The following MGA variants were observed in gnomAD, a reference collection of about 807,000 sequenced individuals.
MGA encodes MAX gene-associated protein.
In MGA, 40 loss-of-function variants were observed where a neutral mutation model predicts 261.1. The observed-to-expected ratio is 0.15, with a 90% CI of 0.12 to 0.20. The LOEUF is 0.20. MGA is among the 10% of genes least tolerant of loss of function. The pLI is 1.00. For synonymous variants in MGA, 1,302 were observed against 1,290.6 expected, an observed-to-expected ratio of 1.01 and a Z score of -0.19; for missense variants, 3,397 against 3,630.5, an observed-to-expected ratio of 0.94 and a Z score of 1.65.
At chr15:41,689,350 T>TCCTTCCTC (rs2059139833) in intron 2 of MGA, among the ~76,000 whole-genome samples, 2 of 150,690 alleles carry the variant, frequency 1.3e-5, no homozygotes, top group African/African-American at 4.9e-5. Context: ...TTCTCCCTCC[T>TCCTTCCTC]CCTTCCTCCC....
chr15:41,695,073 T>C (rs1181745829), intron 2 of MGA, among the ~76,000 whole-genome samples: 4 of 152,240 alleles, frequency 2.6e-5, no homozygotes, highest in Non-Finnish European at 4.4e-5. Flanking sequence ...CCTGCTTTCC[T>C]GTGCTGCTAA....
intron 11 of MGA, among the ~76,000 whole-genome samples, chr15:41,730,546 T>G (rs528816973): frequency 5.5e-4 from 84 of 152,174 alleles, no homozygotes; most frequent in Non-Finnish European, 7.8e-4. Context: ...TCCTGTATAA[T>G]TTACACAGTC....
intron 1 of MGA, among the ~76,000 whole-genome samples, chr15:41,665,388 T>C (rs1225375849): frequency 6.6e-6 from 1 of 151,924 alleles, no homozygotes; most frequent in East Asian, 1.9e-4. Flanking sequence ...CAGATTTCGT[T>C]TTGGTTTTTT....
intron 2 of MGA, among the ~76,000 whole-genome samples, chr15:41,678,904 GT>G (rs1207868382): frequency 2.0e-5 from 3 of 152,252 alleles, no homozygotes; most frequent in Non-Finnish European, 2.9e-5. Context: ...ATATGTTTAT[GT>G]TTATCTTTAT....
chr15:41,713,885 A>G (rs1204372208), intron 9 of MGA, among the ~76,000 whole-genome samples: 1 of 152,196 alleles, frequency 6.6e-6, no homozygotes, highest in Non-Finnish European at 1.5e-5. Flanking sequence ...TAAAAGGAGA[A>G]GTTTGCAAAA....
chr15:41,737,136 T>A (rs2061824930), intron 13 of MGA, among the ~76,000 whole-genome samples: 1 of 152,148 alleles, frequency 6.6e-6, no homozygotes, highest in Non-Finnish European at 1.5e-5. Context: ...AATATATGTT[T>A]AGAAACTTGG....
intron 2 of MGA, among the ~76,000 whole-genome samples, chr15:41,672,145 G>GGAGTTTGTTA (rs1209220314): frequency 6.6e-6 from 1 of 152,138 alleles, no homozygotes; most frequent in Non-Finnish European, 1.5e-5. Context: ...TTAGGTGAAA[G>GGAGTTTGTTA]GGTCAGACGT....
intron 17 of MGA, among the ~76,000 whole-genome samples, chr15:41,752,523 G>A (rs1234261430): frequency 6.7e-6 from 1 of 148,980 alleles, no homozygotes; most frequent in African/African-American, 2.5e-5. Flanking sequence ...TACTATTAGT[G>A]GAACTTACAT....
intron 22 of MGA, among the ~76,000 whole-genome samples, chr15:41,763,514 C>T (rs950718623): frequency 5.3e-5 from 8 of 151,948 alleles, no homozygotes; most frequent in Non-Finnish European, 1.0e-4. Flanking sequence ...GAGGCTGAGG[C>T]GGGCAGATCA....
Position 41,698,983 on chromosome 15 carries a change from G to C in MGA, c.2092+42G>C, listed in dbSNP as rs527642281. On this transcript the variant is annotated intron_variant, in intron 4 of 23. Transcript: ENST00000219905. ...TAAAAAGAGTTGTATTTGTGGTTTG[G>C]GCTCCAGCAATGAAACATGCAACAT... 1.7e-5 allele frequency: 27 copies of C among 1,544,254 alleles called. No individual in the cohort carries two copies. The African/African-American group carries it at 2.6e-4, about 15-fold the overall frequency.
At position 41,697,022 on chromosome 15, in the gene MGA, A is replaced by G. The variant is rs777474470; in HGVS notation, c.2012A>G (p.Lys671Arg). The G allele has an allele frequency of 6.5e-7, 1 of 1,530,482 alleles. No homozygotes were observed. Among genetic ancestry groups the G allele is most frequent in the South Asian group, 1.2e-5 (1 of 80,450 alleles). The allele number at this position is 1,530,482 out of a possible 1,614,324, so 94.8% of individuals were successfully genotyped here. The change falls in exon 3 of 24, where the codon AAG becomes AGG. Residue 671 changes from lysine (K) to arginine (R), a missense_variant and splice_region_variant. This residue lies in a region of MGA where 563 missense variants were observed against 563.6 expected (regional missense o/e 1.00). Transcript: ENST00000219905. ...GTTCTCTTTGTTTCCTTTGAATCAA[A>G]GGTAAGATTGTAATTTTCAGGATTC...
intron 2 of MGA, among the ~76,000 whole-genome samples, chr15:41,672,392 C>T (rs929389064): frequency 2.0e-5 from 3 of 152,132 alleles, no homozygotes; most frequent in African/African-American, 4.8e-5. Context: ...TGAGCTGAAG[C>T]GATCTGTCAG....
intron 15 of MGA, among the ~76,000 whole-genome samples, chr15:41,746,865 TTTTA>T (rs756870281): frequency 6.6e-6 from 1 of 152,052 alleles, no homozygotes; most frequent in Non-Finnish European, 1.5e-5. Context: ...GCCTACCAAT[TTTTA>T]TTTATTAATG....
chr15:41,647,237 C>T (rs911656153), intron 1 of MGA, among the ~76,000 whole-genome samples: 4 of 152,200 alleles, frequency 2.6e-5, no homozygotes, highest in Non-Finnish European at 5.9e-5. Context: ...GGACATCTGC[C>T]TGCAAGCTCA....
At chr15:41,655,282 A>G (rs1243374029) in intron 1 of MGA, among the ~76,000 whole-genome samples, 4 of 150,944 alleles carry the variant, frequency 2.6e-5, no homozygotes, top group Non-Finnish European at 4.4e-5. Flanking sequence ...GAGTTCAAGC[A>G]ATTCTTGTGC....
At position 41,769,725 on chromosome 15, in the gene MGA, A is replaced by G. The variant is rs1004187422; in HGVS notation, c.*2445A>G. 14 of 152,630 alleles carry G rather than the reference A, an allele frequency of 9.2e-5. No individual in the cohort carries two copies. The highest frequency in any genetic ancestry group is 5.9e-5 in the Non-Finnish European group (4 of 68,022). The allele number at this position is 152,630 out of a possible 1,614,324, so 9.5% of individuals were successfully genotyped here. On this transcript the variant is annotated 3_prime_UTR_variant, in exon 24 of 24. Coordinates refer to ENST00000219905, the MANE Select transcript of MGA (RefSeq NM_001164273.2). ...TAAGAAGCATGATCTCAATAGACCA[A>G]TAATTCACCTTTTTATACATCTGTA...
At chr15:41,746,544 CAAAA>C (rs869061461) in intron 15 of MGA, among the ~76,000 whole-genome samples, 1 of 61,852 alleles carries the variant, frequency 1.6e-5, no homozygotes, top group Non-Finnish European at 3.2e-5. Context: ...GACTTCGTCT[CAAAA>C]AAAAAAAAAA....
In MGA at chr15:41,696,294, G is replaced by C; in HGVS notation, c.1284G>C (p.Lys428Asn). 6.2e-7 allele frequency: 1 copy of C among 1,613,904 alleles called. No homozygotes were observed. Among genetic ancestry groups the C allele is most frequent in the Non-Finnish European group, 8.5e-7 (1 of 1,179,896 alleles). Reference sequence around the variant, plus strand: ...ATCCTATACTAGAGAAACAGCTAAAGAGGCACAATAAAGTTGACAACCCAG... The same window carrying C: ...ATCCTATACTAGAGAAACAGCTAAACAGGCACAATAAAGTTGACAACCCAG... The change falls in exon 3 of 24, where the codon AAG (lysine) becomes AAC (asparagine). Residue 428 changes from lysine (K) to asparagine (N), a missense_variant. Lys to Asn is a moderately conservative substitution (Grantham distance 94). Coordinates refer to ENST00000219905, the MANE Select transcript of MGA (RefSeq NM_001164273.2).
intron 9 of MGA, chr15:41,718,301 G>GTGTA (rs1256381241): frequency 7.9e-4 from 152 of 193,526 alleles, no homozygotes; most frequent in East Asian, 1.8e-3. Context: ...GTGTGTGTGT[G>GTGTA]TATATATATA....
Sources: allele counts gnomAD v4.1 joint callset (sites outside exome capture counted in the v4.1 genomes callset), GRCh38; gene constraint gnomAD v4.1.1; regional missense constraint gnomAD v4.1.1; transcripts MANE v1.5; gene names NCBI Gene and HGNC (gene_info 2026-07-23, HGNC 2026-07-21).